CPQ: variants seen among roughly 807,000 people sequenced by gnomAD.
The protein encoded by CPQ is Ser-Met dipeptidase.
Under a neutral mutation model 45.7 loss-of-function variants are expected in CPQ, and 37 were observed. The ratio of observed to expected loss-of-function variants is 0.81; its 90% CI spans 0.62 to 1.07. The LOEUF (loss-of-function observed/expected upper bound fraction) is 1.07, where lower values mean the gene tolerates loss of function less well. CPQ is among the 50% of genes least tolerant of loss of function. CPQ has a pLI of 0.00. For synonymous variants in CPQ, 186 were observed against 205.8 expected (o/e 0.90, Z 0.82); for missense variants, 537 against 572.9 (o/e 0.94, Z 0.64).
At chr8:97,047,230 G>T (rs766901273) in intron 6 of CPQ, among the ~76,000 whole-genome samples, 3 of 152,172 alleles carry the variant, frequency 2.0e-5, no homozygotes, top group Non-Finnish European at 4.4e-5. Flanking sequence ...GAGGCTCAAA[G>T]AAGTGAAGAA....
chr8:96,712,876 A>AT (rs543717008), intron 1 of CPQ, among the ~76,000 whole-genome samples: 149 of 151,034 alleles, frequency 9.9e-4, no homozygotes, highest in African/African-American at 3.6e-3. Context: ...TTCTCCCACA[A>AT]ATTTTTTTTT....
At chr8:96,917,234 C>T (rs1292556101) in intron 4 of CPQ, among the ~76,000 whole-genome samples, 1 of 152,062 alleles carries the variant, frequency 6.6e-6, no homozygotes, top group Non-Finnish European at 1.5e-5. Context: ...ATAATTCTTC[C>T]ACACAGGAGA....
chr8:96,703,553 G>C (rs1326441962), intron 1 of CPQ, among the ~76,000 whole-genome samples: 1 of 152,060 alleles, frequency 6.6e-6, no homozygotes, highest in African/African-American at 2.4e-5. Flanking sequence ...TTCTTTTTAA[G>C]TAAGCCATAT....
chr8:96,742,337 T>C (rs1334258155), intron 1 of CPQ, among the ~76,000 whole-genome samples: 2 of 152,140 alleles, frequency 1.3e-5, no homozygotes, highest in Admixed American at 1.3e-4. Context: ...GGTAGATCTT[T>C]CTCCATCCTT....
At chr8:96,734,104 C>T (rs1366341856) in intron 1 of CPQ, among the ~76,000 whole-genome samples, 3 of 152,132 alleles carry the variant, frequency 2.0e-5, no homozygotes, top group Non-Finnish European at 4.4e-5. Flanking sequence ...GCAGTATGGG[C>T]TCAATAACAC....
At chr8:96,958,563 T>A (rs1283504091) in intron 4 of CPQ, among the ~76,000 whole-genome samples, 1 of 152,206 alleles carries the variant, frequency 6.6e-6, no homozygotes, top group African/African-American at 2.4e-5. Flanking sequence ...CCTATCATTG[T>A]CAAATCAATG....
intron 1 of CPQ, among the ~76,000 whole-genome samples, chr8:96,714,481 A>G (rs1458941653): frequency 7.2e-5 from 11 of 152,002 alleles, no homozygotes; most frequent in African/African-American, 2.4e-4. Flanking sequence ...TAATTTCCAG[A>G]AGTTTTGATT....
chr8:96,724,263 C>A (rs1809804933), intron 1 of CPQ, among the ~76,000 whole-genome samples: 1 of 151,946 alleles, frequency 6.6e-6, no homozygotes. Context: ...CATATTGTTG[C>A]ATATTATAGT....
chr8:97,001,583 G>A (rs1809280947), intron 5 of CPQ, among the ~76,000 whole-genome samples: 1 of 151,960 alleles, frequency 6.6e-6, no homozygotes, highest in Non-Finnish European at 1.5e-5. Flanking sequence ...CTTGCATCTT[G>A]GGGTTGAAGC....
intron 1 of CPQ, among the ~76,000 whole-genome samples, chr8:96,730,866 C>CATACATATATATATAT (rs56216136): frequency 0.03 from 2,074 of 68,376 alleles, 71 homozygotes; most frequent in South Asian, 0.047. Flanking sequence ...ACCATACATA[C>CATACATATATATATAT]ATATATATAT....
chr8:96,808,645 AC>A (rs1811116826), intron 2 of CPQ, among the ~76,000 whole-genome samples: 1 of 152,100 alleles, frequency 6.6e-6, no homozygotes, highest in Admixed American at 6.6e-5. Flanking sequence ...TATGCTGTAA[AC>A]CCACCTGTTT....
At chr8:96,914,483 C>T (rs1812706598) in intron 4 of CPQ, among the ~76,000 whole-genome samples, 1 of 152,224 alleles carries the variant, frequency 6.6e-6, no homozygotes. Flanking sequence ...TTATCTATCC[C>T]TTGAACAGGT....
Position 96,655,484 on chromosome 8 carries a change from A to G in CPQ, c.-35+10082A>G, listed in dbSNP as rs574885851. On this transcript the variant is annotated intron_variant, in intron 1 of 7. Transcript: ENST00000220763. ...TCAAATTTCATTTAATTTTATATCC[A>G]TATATTCTTGTAGTTCACTGAACTG... Among the ~76,000 whole-genome samples, 63 of 152,072 alleles carry G rather than the reference A, an allele frequency of 4.1e-4. 1 individual carries two copies. The highest frequency in any genetic ancestry group is 1.5e-3 in the African/African-American group (62 of 41,464).
intron 1 of CPQ, among the ~76,000 whole-genome samples, chr8:96,719,962 C>T (rs1809741073): frequency 6.6e-6 from 1 of 152,112 alleles, no homozygotes; most frequent in African/African-American, 2.4e-5. Context: ...AGGCTGAAGC[C>T]TGCCACTTCA....
rs1811087776 is a variant in CPQ, at chr8:96,807,011, A to G, written c.433+21681A>G. Among the ~76,000 whole-genome samples the G allele has an allele frequency of 2.0e-5, 3 of 152,212 alleles. No individual in the cohort carries two copies. In the South Asian group the frequency reaches 6.2e-4, roughly 32 times the overall value. ...AATTAAAAGTAAAAAATTTAAAAGG[A>G]CAAAATATTAAGTTTTAAGGAGACT... On this transcript the variant is annotated intron_variant, in intron 2 of 7. Transcript: ENST00000220763.
intron 7 of CPQ, among the ~76,000 whole-genome samples, chr8:97,136,705 C>T (rs1421723032): frequency 6.6e-6 from 1 of 152,320 alleles, no homozygotes; most frequent in African/African-American, 2.4e-5. Context: ...GAAATAATTT[C>T]CTAACAGTGA....
chr8:96,959,556 C>A (rs1317332590), intron 4 of CPQ, among the ~76,000 whole-genome samples: 1 of 152,116 alleles, frequency 6.6e-6, no homozygotes, highest in African/African-American at 2.4e-5. Flanking sequence ...CTCACTGCTG[C>A]AGTCCAAGCC....
chr8:96,766,557 G>A (rs570344461), intron 1 of CPQ, among the ~76,000 whole-genome samples: 2 of 152,168 alleles, frequency 1.3e-5, no homozygotes, highest in Non-Finnish European at 2.9e-5. Flanking sequence ...CTGTGCATGT[G>A]TCAGGGGCAG....
intron 4 of CPQ, among the ~76,000 whole-genome samples, chr8:96,885,506 T>C (rs1344055318): frequency 6.6e-6 from 1 of 152,192 alleles, no homozygotes; most frequent in Non-Finnish European, 1.5e-5. Flanking sequence ...TCATCAACCA[T>C]GCAGAGAACC....
Sources: gnomAD v4.1 joint callset for allele counts (sites outside exome capture counted in the v4.1 genomes callset) on GRCh38, gnomAD v4.1.1 for gene constraint, MANE v1.5 for transcripts, NCBI Gene and HGNC (gene_info 2026-07-23, HGNC 2026-07-21) for gene names.